The following HNF4G variants were observed in gnomAD, a reference collection of about 807,000 sequenced individuals.
HNF4G encodes the protein hepatocyte nuclear factor 4 gamma.
Under a neutral mutation model 50.9 loss-of-function variants are expected in HNF4G, and 21 were observed. That is an observed-to-expected ratio of 0.41 (90% CI 0.29 to 0.59). The LOEUF is 0.59. Among genes scored for constraint, HNF4G ranks in the 20% least tolerant of loss-of-function variants. The pLI, the probability that HNF4G is intolerant of heterozygous loss-of-function variation, is 0.26. For missense variants in HNF4G, 527 were observed against 559.4 expected (o/e 0.94, Z 0.58); for synonymous variants, 198 against 185.6 (o/e 1.07, Z -0.54).
chr8:75,500,303 A>C (rs1258214264), intron 2 of HNF4G, among the ~76,000 whole-genome samples: 1 of 152,308 alleles, frequency 6.6e-6, no homozygotes, highest in Middle Eastern at 3.4e-3. Flanking sequence ...GGAAAATGCA[A>C]TTTAAAACAA....
rs747150201 is a variant in HNF4G, at chr8:75,547,629, A to G, written c.330A>G (p.Gln110=). 3.1e-6 allele frequency: 5 copies of G among 1,612,238 alleles called. No homozygotes were observed. The highest frequency in any genetic ancestry group is 3.3e-5 in the Admixed American group (2 of 59,976). Residue 110 remains glutamine (Q), a synonymous_variant, in exon 3 of 10, where the codon CAA becomes CAG. Coordinates refer to ENST00000396423, the MANE Select transcript of HNF4G (RefSeq NM_004133.5). ...QCVVDKDKRN[Q]CRYCRLRKCF... ...TTGTTGACAAGGACAAAAGGAATCA[A>G]TGTAGATATTGTCGATTAAGAAAGT...
At chr8:75,450,371 A>C (rs1411130564) in intron 1 of HNF4G, among the ~76,000 whole-genome samples, 1 of 152,190 alleles carries the variant, frequency 6.6e-6, no homozygotes, top group Non-Finnish European at 1.5e-5. Flanking sequence ...GAAAAATAAT[A>C]AAACAAAAAT....
At chr8:75,547,724 T>C (rs1231097426) in intron 3 of HNF4G, 43 bp downstream of exon 3, 2 of 1,171,774 alleles carry the variant, frequency 1.7e-6, no homozygotes, top group Admixed American at 1.7e-5. Context: ...TGATGAAAAG[T>C]GATAAACATA....
At chr8:75,551,241 A>C (rs2130801243) in intron 3 of HNF4G, 147 bp from the exon 4 acceptor site, 2 of 556,074 alleles carry the variant, frequency 3.6e-6, no homozygotes, top group East Asian at 5.9e-5. Context: ...TTTTGAAAGT[A>C]GTGGAGAATG....
intron 2 of HNF4G, among the ~76,000 whole-genome samples, chr8:75,491,950 G>A (rs1177119052): frequency 3.3e-5 from 5 of 152,192 alleles, no homozygotes; most frequent in Non-Finnish European, 7.3e-5. Flanking sequence ...TAGACAGTGA[G>A]GCCCTTAGCC....
chr8:75,526,970 G>T (rs1451687645), intron 2 of HNF4G: 1 of 151,988 alleles, frequency 6.6e-6, no homozygotes, highest in African/African-American at 2.4e-5. Context: ...CACAGACGGG[G>T]TTTCACCGTT....
At chr8:75,555,730 C>CT (rs59730048) in intron 5 of HNF4G, among the ~76,000 whole-genome samples, 8,064 of 140,348 alleles carry the variant, frequency 0.057, 262 homozygotes, top group Non-Finnish European at 0.084. Flanking sequence ...AACTTGTCTG[C>CT]TTTTTTTTTT....
At chr8:75,553,427 G>A (rs1160005361) in intron 5 of HNF4G, among the ~76,000 whole-genome samples, 1 of 152,056 alleles carries the variant, frequency 6.6e-6, no homozygotes, top group Non-Finnish European at 1.5e-5. Context: ...GACAAGAACT[G>A]AACAAAACAC....
intron 1 of HNF4G, among the ~76,000 whole-genome samples, chr8:75,478,911 G>A (rs1034208877): frequency 2.6e-5 from 4 of 152,106 alleles, no homozygotes; most frequent in African/African-American, 9.7e-5. Context: ...TAGTAGAGAC[G>A]GGGTTTCTCC....
chr8:75,429,650 T>C lies in HNF4G; in HGVS notation c.-144+21488T>C, dbSNP rs960328692. Among the ~76,000 whole-genome samples the C allele has an allele frequency of 2.6e-5, 4 of 152,316 alleles. No individual in the cohort carries two copies. In the South Asian group the frequency reaches 8.3e-4, roughly 32 times the overall value. ...CAGGATTAGTGAAGATCATGACGTT[T>C]CATAAAAGTGTAGTGAAGTTAAGCA... On this transcript the variant is annotated intron_variant, in intron 1 of 10. Coordinates refer to the HNF4G transcript ENST00000354370.
intron 2 of HNF4G, among the ~76,000 whole-genome samples, chr8:75,512,427 CTTT>C (rs1195860637): frequency 7.0e-6 from 1 of 143,210 alleles, no homozygotes; most frequent in East Asian, 2.0e-4. Flanking sequence ...AGATAAACAT[CTTT>C]ATTATTATTA....
intron 2 of HNF4G, among the ~76,000 whole-genome samples, chr8:75,518,839 G>T (rs1805964388): frequency 6.6e-6 from 1 of 152,098 alleles, no homozygotes; most frequent in African/African-American, 2.4e-5. Flanking sequence ...TTGTCTTAGT[G>T]ATTAACATTT....
chr8:75,517,890 G>A (rs748458559), intron 2 of HNF4G, among the ~76,000 whole-genome samples: 5 of 151,984 alleles, frequency 3.3e-5, no homozygotes, highest in East Asian at 1.9e-4. Flanking sequence ...AGTTCTCCAT[G>A]AGGGTTCCTC....
intron 2 of HNF4G, among the ~76,000 whole-genome samples, chr8:75,531,458 C>T: frequency 6.6e-6 from 1 of 152,050 alleles, no homozygotes. Flanking sequence ...GGCATCTTAT[C>T]TTTCCACTAT....
At chr8:75,557,334 A>G (rs949485000) in intron 6 of HNF4G, among the ~76,000 whole-genome samples, 3 of 152,100 alleles carry the variant, frequency 2.0e-5, no homozygotes, top group African/African-American at 7.2e-5. Flanking sequence ...AAAACATTAC[A>G]TTGGGCCAGG....
intron 1 of HNF4G, among the ~76,000 whole-genome samples, chr8:75,422,908 T>A (rs1022470460): frequency 2.0e-5 from 3 of 152,238 alleles, no homozygotes; most frequent in African/African-American, 7.2e-5. Flanking sequence ...AAATGCTTTA[T>A]CAGCATTAAT....
At chr8:75,533,615 C>CA (rs548849716) in intron 2 of HNF4G, among the ~76,000 whole-genome samples, 1 of 150,752 alleles carries the variant, frequency 6.6e-6, no homozygotes, top group African/African-American at 2.4e-5. Flanking sequence ...ATTCTTGAAC[C>CA]AAAAAAAAGT....
chr8:75,518,151 A>G (rs1233548634), intron 2 of HNF4G, among the ~76,000 whole-genome samples: 2 of 38,546 alleles, frequency 5.2e-5, no homozygotes. Context: ...CCCCCACCCC[A>G]CAACAGTCCC....
At chr8:75,519,785 C>T (rs376788901) in intron 2 of HNF4G, among the ~76,000 whole-genome samples, 23 of 151,682 alleles carry the variant, frequency 1.5e-4, no homozygotes, top group Non-Finnish European at 2.4e-4. Flanking sequence ...AATCTGTTTA[C>T]GTCTTTGTAT....
Sources: gnomAD v4.1 joint callset for allele counts (sites outside exome capture counted in the v4.1 genomes callset) on GRCh38, gnomAD v4.1.1 for gene constraint, MANE v1.5 for transcripts, NCBI Gene and HGNC (gene_info 2026-07-23, HGNC 2026-07-21) for gene names.